The following CUBN variants were observed in gnomAD, a reference collection of about 807,000 sequenced individuals.
CUBN encodes 460 kDa receptor.
CUBN carries 282 observed loss-of-function variants against 405.3 expected under a neutral mutation model. That is an observed-to-expected ratio of 0.70 (90% CI 0.63 to 0.77). The LOEUF is 0.77. CUBN is among the 30% of genes least tolerant of loss of function. The pLI is 0.00. For synonymous variants in CUBN, 1,684 were observed against 1,617.0 expected (o/e 1.04, Z -0.99); for missense variants, 4,514 against 4,475.2 (o/e 1.01, Z -0.25).
In CUBN at chr10:16,990,351, T is replaced by G. The variant is rs1308932564; in HGVS notation, c.4333A>C (p.Asn1445His). The change falls in exon 29 of 67, where the codon AAC (asparagine) becomes CAC (histidine). Residue 1445 changes from asparagine (N) to histidine (H), a missense_variant. Physicochemically the swap from Asn to His is moderately conservative, Grantham distance 68. Coordinates refer to ENST00000377833, the MANE Select transcript of CUBN (RefSeq NM_001081.4). ...DFDVEYHSRC[N>H]FDVLEIYGGP... ...CTTCCTACCTCCAAGACATCAAAGT[T>G]GCACCTTGAATGATACTCCACATCG... 2 of 1,614,136 alleles carry G rather than the reference T, an allele frequency of 1.2e-6. No individual in the cohort carries two copies. Among genetic ancestry groups the G allele is most frequent in the Non-Finnish European group, 8.5e-7 (1 of 1,180,014 alleles).
At chr10:16,938,291 T>C (rs1314441664) in intron 38 of CUBN, among the ~76,000 whole-genome samples, 1 of 152,198 alleles carries the variant, frequency 6.6e-6, no homozygotes, top group Non-Finnish European at 1.5e-5. Context: ...CTCACCATGT[T>C]CAAAGCACTT....
chr10:17,127,430 T>A (rs1304708054), intron 3 of CUBN, among the ~76,000 whole-genome samples: 1 of 109,092 alleles, frequency 9.2e-6, no homozygotes, highest in Non-Finnish European at 1.9e-5. Context: ...CATGCCCAGC[T>A]ATTTTTTTTT....
chr10:16,920,846 A>T (rs1177133190), intron 43 of CUBN, among the ~76,000 whole-genome samples: 2 of 152,206 alleles, frequency 1.3e-5, no homozygotes, highest in Admixed American at 6.5e-5. Context: ...AGCCATACAC[A>T]TACTTGATCT....
intron 62 of CUBN, among the ~76,000 whole-genome samples, chr10:16,839,275 G>T (rs1839268486): frequency 6.6e-6 from 1 of 152,136 alleles, no homozygotes; most frequent in African/African-American, 2.4e-5. Context: ...GGACCTGCAG[G>T]ACCAAGTTCA....
intron 54 of CUBN, among the ~76,000 whole-genome samples, chr10:16,891,866 G>C (rs1329383381): frequency 6.6e-6 from 1 of 152,004 alleles, no homozygotes; most frequent in African/African-American, 2.4e-5. Context: ...TAGTGGGTAG[G>C]GGCCAGGACT....
chr10:16,965,289 T>G (rs1843356935), intron 31 of CUBN, among the ~76,000 whole-genome samples: 2 of 152,228 alleles, frequency 1.3e-5, no homozygotes, highest in African/African-American at 4.8e-5. Flanking sequence ...GTGCGCTTTC[T>G]AAAATGTAAC....
At chr10:17,065,660 C>G in intron 21 of CUBN, 22 bp from the exon 22 acceptor site, 1 of 1,612,578 alleles carries the variant, frequency 6.2e-7, no homozygotes, top group Non-Finnish European at 8.5e-7. Flanking sequence ...CAAGAAAGGA[C>G]AGATGTGTGT....
At chr10:17,118,500 G>A (rs1299965012) in intron 6 of CUBN, among the ~76,000 whole-genome samples, 1 of 152,092 alleles carries the variant, frequency 6.6e-6, no homozygotes, top group Non-Finnish European at 1.5e-5. Flanking sequence ...GCAGTGGTGC[G>A]ATCTCGGCTC....
rs773178595 is a variant in CUBN at position 16,851,460 on chromosome 10, A to T, written c.9455-17T>A. On this transcript the variant is annotated splice_polypyrimidine_tract_variant and intron_variant, in intron 59 of 66. Transcript: ENST00000377833. The stretch of plus-strand genomic sequence containing the variant: ...GCTGAGGCCCTGCATTAAAACAAAG[A>T]CATCACTATGCAGACCAAACAGAAC... 2 of 1,611,430 alleles carry T rather than the reference A, an allele frequency of 1.2e-6. No individual in the cohort carries two copies. The highest frequency in any genetic ancestry group is 1.7e-6 in the Non-Finnish European group (2 of 1,177,562).
At chr10:17,032,254 C>T (rs1319357895) in intron 27 of CUBN, among the ~76,000 whole-genome samples, 1 of 152,126 alleles carries the variant, frequency 6.6e-6, no homozygotes, top group Non-Finnish European at 1.5e-5. Flanking sequence ...GAGTAATAAG[C>T]ATTTCCTGAG....
At chr10:17,088,528 T>C (rs1836179659) in intron 14 of CUBN, among the ~76,000 whole-genome samples, 183 bp from the exon 15 acceptor site, 1 of 152,222 alleles carries the variant, frequency 6.6e-6, no homozygotes, top group Non-Finnish European at 1.5e-5. Flanking sequence ...TCTAGAAGTA[T>C]CAATTGATAA....
chr10:16,838,168 A>G (rs1052646599), intron 62 of CUBN, among the ~76,000 whole-genome samples: 1 of 152,214 alleles, frequency 6.6e-6, no homozygotes, highest in Non-Finnish European at 1.5e-5. Context: ...CAGCAAGTCC[A>G]GGGTCTATTC....
intron 9 of CUBN, 128 bp from the exon 10 acceptor site, chr10:17,109,863 A>C (rs1016990594): frequency 1.4e-6 from 1 of 717,692 alleles, no homozygotes; most frequent in Non-Finnish European, 2.5e-6. Context: ...AAAAAATATA[A>C]GTATAAAATG....
intron 28 of CUBN, among the ~76,000 whole-genome samples, chr10:17,003,573 A>G (rs1175889732): frequency 6.6e-6 from 1 of 152,234 alleles, no homozygotes; most frequent in South Asian, 2.1e-4. Context: ...ATAACAAAAA[A>G]GAGCCCTAAA....
chr10:17,068,895 C>A, intron 19 of CUBN, 125 bp from the exon 20 acceptor site: 1 of 811,670 alleles, frequency 1.2e-6, no homozygotes, highest in South Asian at 1.6e-5. Context: ...TCAATTTTAG[C>A]ACATTTTAGT....
At chr10:17,021,486 A>G (rs1318737843) in intron 27 of CUBN, among the ~76,000 whole-genome samples, 2 of 152,206 alleles carry the variant, frequency 1.3e-5, no homozygotes, top group African/African-American at 2.4e-5. Context: ...ACAACGAAAC[A>G]TAAAATACCT....
intron 8 of CUBN, among the ~76,000 whole-genome samples, 174 bp from the exon 9 acceptor site, chr10:17,111,224 A>C (rs1379005057): frequency 6.6e-6 from 1 of 152,228 alleles, no homozygotes; most frequent in Non-Finnish European, 1.5e-5. Context: ...AAATTCTGAC[A>C]ACAAAGTGGG....
In CUBN at chr10:17,067,571, G is replaced by C. The variant is rs1835638069; in HGVS notation, c.3008+493C>G. On this transcript the variant is annotated intron_variant, in intron 21 of 66. Coordinates refer to ENST00000377833, the MANE Select transcript of CUBN (RefSeq NM_001081.4). ...ATCAGAGTCCCTAATGGGGAGGAAAGACAGAAAAATATTTTAAGAACCAGT... is the reference window on the plus strand; with the variant it reads ...ATCAGAGTCCCTAATGGGGAGGAAACACAGAAAAATATTTTAAGAACCAGT... Among the ~76,000 whole-genome samples the C allele has an allele frequency of 2.6e-5, 4 of 152,056 alleles. No individual in the cohort carries two copies. The South Asian group carries it at 8.3e-4, about 32-fold the overall frequency.
chr10:17,030,400 T>C (rs1020373539), intron 27 of CUBN, among the ~76,000 whole-genome samples: 4 of 152,098 alleles, frequency 2.6e-5, no homozygotes, highest in Admixed American at 6.5e-5. Flanking sequence ...ACTATGTTTA[T>C]GTTAAAATAA....
Sources: allele counts gnomAD v4.1 joint callset (sites outside exome capture counted in the v4.1 genomes callset), GRCh38; gene constraint gnomAD v4.1.1; transcripts MANE v1.5; gene names NCBI Gene and HGNC (gene_info 2026-07-23, HGNC 2026-07-21).